Variants in NKAIN2 observed in about 807,000 individuals in gnomAD.
NKAIN2 encodes sodium/potassium-transporting ATPase subunit beta-1-interacting protein 2.
In NKAIN2, 14 loss-of-function variants were observed where a neutral mutation model predicts 32.6. That is an observed-to-expected ratio of 0.43 (90% CI 0.28 to 0.67). NKAIN2 has a LOEUF of 0.67. NKAIN2 is among the 30% of genes least tolerant of loss of function. The probability of loss-of-function intolerance (pLI) is 0.17; values close to 1 mark genes in which losing one functional copy is unlikely to be tolerated. For missense variants in NKAIN2, 198 were observed against 258.3 expected (o/e 0.77, Z 1.60); for synonymous variants, 80 against 87.2 (o/e 0.92, Z 0.46).
chr6:124,536,720 C>T (rs9491188), intron 3 of NKAIN2, among the ~76,000 whole-genome samples: 9,345 of 152,176 alleles, frequency 0.061, 782 homozygotes, highest in African/African-American at 0.19. Context: ...TGATCAGAAC[C>T]TCTCTCACGC....
At chr6:124,805,204 C>T (rs1362913513) in intron 5 of NKAIN2, among the ~76,000 whole-genome samples, 3 of 151,860 alleles carry the variant, frequency 2.0e-5, no homozygotes, top group African/African-American at 2.4e-5. Flanking sequence ...GGGTCCCTGA[C>T]CCCTGACCCC....
At chr6:123,865,325 T>G (rs1775940464) in intron 1 of NKAIN2, among the ~76,000 whole-genome samples, 1 of 152,096 alleles carries the variant, frequency 6.6e-6, no homozygotes, top group Non-Finnish European at 1.5e-5. Flanking sequence ...AAGCTATATC[T>G]GATACTATAT....
At chr6:123,860,644 C>T (rs1232299521) in intron 1 of NKAIN2, among the ~76,000 whole-genome samples, 2 of 152,074 alleles carry the variant, frequency 1.3e-5, no homozygotes, top group Non-Finnish European at 2.9e-5. Flanking sequence ...CTCCTGGGCC[C>T]AAGTATTCTG....
intron 3 of NKAIN2, among the ~76,000 whole-genome samples, chr6:124,443,845 T>C (rs1775788375): frequency 6.6e-6 from 1 of 152,084 alleles, no homozygotes; most frequent in South Asian, 2.1e-4. Flanking sequence ...CACTGTTTCT[T>C]CTCCAAAATG....
At chr6:124,035,205 G>A (rs1032699535) in intron 1 of NKAIN2, among the ~76,000 whole-genome samples, 1 of 152,082 alleles carries the variant, frequency 6.6e-6, no homozygotes, top group African/African-American at 2.4e-5. Flanking sequence ...TCATAAATTA[G>A]TATTTGAGTT....
Position 124,345,339 on chromosome 6 carries a change from TG to T in NKAIN2, c.193-9926del, listed in dbSNP as rs539262894. Among the ~76,000 whole-genome samples, 678 of 152,330 alleles carry T rather than the reference TG, an allele frequency of 4.5e-3. 3 individuals are homozygous for T. The highest frequency in any genetic ancestry group is 9.2e-3 in the Admixed American group (141 of 15,306). On this transcript the variant is annotated intron_variant, in intron 2 of 6. Coordinates refer to ENST00000368417, the MANE Select transcript of NKAIN2 (RefSeq NM_001040214.3). The stretch of plus-strand genomic sequence containing the variant: ...CCAGTCTTTGGTATCAGGATGATGC[TG>T]GCCTCATAAAATGAGTTAGGGAGGA...
At chr6:124,645,262 A>T (rs1339620080) in intron 3 of NKAIN2, among the ~76,000 whole-genome samples, 1 of 152,144 alleles carries the variant, frequency 6.6e-6, no homozygotes, top group Non-Finnish European at 1.5e-5. Context: ...TTGGAAGTGG[A>T]AGGAATGTGT....
rs567216733 is a variant in NKAIN2, at chr6:124,065,408, T to C, written c.55-217597T>C. Among the ~76,000 whole-genome samples, 7 of 152,286 alleles carry C rather than the reference T, an allele frequency of 4.6e-5. No individual in the cohort carries two copies. The South Asian group carries it at 8.3e-4, about 18-fold the overall frequency. On this transcript the variant is annotated intron_variant, in intron 1 of 6. Coordinates refer to ENST00000368417, the MANE Select transcript of NKAIN2 (RefSeq NM_001040214.3). Reference sequence around the variant, plus strand: ...CTGAATGTGTCCCCCAAAATTCATATGTTGAAACTTATTGATAGTATTAGA... The same window carrying C: ...CTGAATGTGTCCCCCAAAATTCATACGTTGAAACTTATTGATAGTATTAGA...
At chr6:124,565,617 A>G (rs1780880827) in intron 3 of NKAIN2, among the ~76,000 whole-genome samples, 2 of 152,164 alleles carry the variant, frequency 1.3e-5, no homozygotes, top group South Asian at 4.1e-4. Context: ...TTGATTTTAT[A>G]AAGTGGTTTC....
chr6:124,549,968 G>T (rs1780230518), intron 3 of NKAIN2, among the ~76,000 whole-genome samples: 2 of 152,146 alleles, frequency 1.3e-5, no homozygotes, highest in African/African-American at 4.8e-5. Context: ...TAACCGTTTT[G>T]GAGGAGATAC....
intron 3 of NKAIN2, among the ~76,000 whole-genome samples, chr6:124,424,749 G>A (rs1774910106): frequency 6.6e-6 from 1 of 152,056 alleles, no homozygotes; most frequent in African/African-American, 2.4e-5. Context: ...ATAAATGGTA[G>A]GATTTCCTTC....
chr6:123,883,153 T>C (rs1773528294), intron 1 of NKAIN2, among the ~76,000 whole-genome samples: 1 of 152,112 alleles, frequency 6.6e-6, no homozygotes, highest in Non-Finnish European at 1.5e-5. Context: ...TGAATTATTA[T>C]TATTTTTTTG....
At chr6:124,431,847 A>G (rs1583242310) in intron 3 of NKAIN2, among the ~76,000 whole-genome samples, 1 of 152,316 alleles carries the variant, frequency 6.6e-6, no homozygotes, top group East Asian at 1.9e-4. Flanking sequence ...CCTTATGTAA[A>G]GAGATATTTC....
chr6:124,032,410 T>TA (rs532197076), intron 1 of NKAIN2, among the ~76,000 whole-genome samples: 14 of 151,880 alleles, frequency 9.2e-5, no homozygotes, highest in Non-Finnish European at 1.5e-4. Context: ...TAAAGTATAT[T>TA]AAAAAAAACA....
intron 2 of NKAIN2, among the ~76,000 whole-genome samples, chr6:124,343,833 T>A (rs993520079): frequency 6.9e-6 from 1 of 145,910 alleles, no homozygotes; most frequent in Non-Finnish European, 1.5e-5. Context: ...CTCTTTAGTT[T>A]AATTAGATCC....
At chr6:123,856,860 A>G (rs536411704) in intron 1 of NKAIN2, among the ~76,000 whole-genome samples, 1 of 152,286 alleles carries the variant, frequency 6.6e-6, no homozygotes, top group South Asian at 2.1e-4. Flanking sequence ...TCCTAATTAA[A>G]TCAATTTAAT....
intron 1 of NKAIN2, among the ~76,000 whole-genome samples, chr6:123,992,853 C>T (rs1487507407): frequency 5.3e-5 from 8 of 152,138 alleles, no homozygotes. Flanking sequence ...CCTTGTGGTA[C>T]CCACTAAAAT....
chr6:124,301,051 C>T (rs959602295), intron 2 of NKAIN2, among the ~76,000 whole-genome samples: 1 of 152,136 alleles, frequency 6.6e-6, no homozygotes, highest in Non-Finnish European at 1.5e-5. Context: ...TTGCAGCAGC[C>T]CCTCCCATCA....
intron 1 of NKAIN2, among the ~76,000 whole-genome samples, chr6:124,119,945 GT>G (rs1239681991): frequency 2.0e-5 from 3 of 151,780 alleles, no homozygotes; most frequent in Non-Finnish European, 4.4e-5. Flanking sequence ...GGCCTGCTTT[GT>G]TTTTTTTCTA....
Sources: gnomAD v4.1 joint callset for allele counts (sites outside exome capture counted in the v4.1 genomes callset) on GRCh38, gnomAD v4.1.1 for gene constraint, MANE v1.5 for transcripts, NCBI Gene and HGNC (gene_info 2026-07-23, HGNC 2026-07-21) for gene names.